Variants in CCDC126 observed in about 807,000 individuals in gnomAD.
CCDC126 encodes the protein coiled-coil domain-containing protein 126.
A neutral mutation model predicts 11.7 loss-of-function variants in CCDC126; 5 were observed. That is an observed-to-expected ratio of 0.43 (90% CI 0.22 to 0.90). CCDC126 has a LOEUF of 0.90. CCDC126 is among the 40% of genes least tolerant of loss of function. The pLI is 0.27. For missense variants in CCDC126, 150 were observed against 163.1 expected (o/e 0.92, Z 0.44); for synonymous variants, 60 against 61.9 (o/e 0.97, Z 0.14).
chr7:23,621,752 T>C (rs1349520864), intron 3 of CCDC126, among the ~76,000 whole-genome samples: 2 of 152,162 alleles, frequency 1.3e-5, no homozygotes, highest in Non-Finnish European at 2.9e-5. Context: ...GAGATAACGT[T>C]CCATCAGTAC....
intron 2 of CCDC126, among the ~76,000 whole-genome samples, chr7:23,610,932 G>A (rs1178298702): frequency 6.6e-6 from 1 of 151,978 alleles, no homozygotes; most frequent in Non-Finnish European, 1.5e-5. Context: ...AGAGTTTTAT[G>A]ACCATGGTTG....
rs2128024013 is a variant in CCDC126 at position 23,643,880 on chromosome 7, A to G, written c.*765A>G. The G allele has an allele frequency of 6.6e-6, 1 of 152,266 alleles. No homozygotes were observed. Among genetic ancestry groups the G allele is most frequent in the East Asian group, 1.9e-4 (1 of 5,190 alleles). 9.4% of individuals were successfully genotyped at this position (152,266 alleles called of 1,614,324 possible). A position where few individuals can be genotyped will look rare whatever the true frequency, so the allele number is the denominator to read the frequency against. ...ATATTTTTATGATGAGAGTAACAAT[A>G]AAGTATTCATGATTTTTCACATACA... On this transcript the variant is annotated 3_prime_UTR_variant, in exon 4 of 4. Transcript: ENST00000307471.
intron 3 of CCDC126, among the ~76,000 whole-genome samples, chr7:23,612,152 A>C (rs1782722606): frequency 6.6e-6 from 1 of 151,628 alleles, no homozygotes; most frequent in Non-Finnish European, 1.5e-5. Flanking sequence ...TCTCAAAAAA[A>C]AAAAAAAAAA....
chr7:23,610,018 T>C (rs1245686391), intron 2 of CCDC126, among the ~76,000 whole-genome samples: 1 of 152,236 alleles, frequency 6.6e-6, no homozygotes, highest in African/African-American at 2.4e-5. Context: ...TTTTTTTTAC[T>C]GGACACTGGT....
intron 2 of CCDC126, among the ~76,000 whole-genome samples, chr7:23,609,745 C>T (rs921287618): frequency 6.6e-6 from 1 of 152,070 alleles, no homozygotes; most frequent in Non-Finnish European, 1.5e-5. Context: ...GCCTGTGGTC[C>T]CAGCTACTCG....
chr7:23,642,969 A>G lies in CCDC126; in HGVS notation c.277A>G (p.Ile93Val). ...AACAATTGCTGTCCTTCTGGATGAC[A>G]TTTTGCAACGATTGGTGAAGCTGGA... ...KRTIAVLLDD[I>V]LQRLVKLENK... is the part of the protein sequence containing the mutation. The change falls in exon 4 of 4, where the codon ATT becomes GTT. Residue 93 changes from isoleucine to valine, a missense_variant. By Grantham distance (29) the Ile-to-Val change is conservative (BLOSUM62 3). Coordinates refer to ENST00000307471, the MANE Select transcript of CCDC126 (RefSeq NM_138771.4). The G allele has an allele frequency of 6.2e-7, 1 of 1,614,118 alleles. No homozygotes were observed. Among genetic ancestry groups the G allele is most frequent in the Non-Finnish European group, 8.5e-7 (1 of 1,180,000 alleles).
intron 3 of CCDC126, among the ~76,000 whole-genome samples, chr7:23,627,165 T>C (rs141305004): frequency 6.6e-6 from 1 of 152,308 alleles, no homozygotes; most frequent in Non-Finnish European, 1.5e-5. Flanking sequence ...CTGACCCTGC[T>C]TTCTTTTAAG....
chr7:23,611,542 T>A lies in CCDC126; in HGVS notation c.227T>A (p.Met76Lys). 6.3e-7 allele frequency: 1 copy of A among 1,596,440 alleles called. No homozygotes were observed. The highest frequency in any genetic ancestry group is 8.6e-7 in the Non-Finnish European group (1 of 1,163,926). The change falls in exon 3 of 4, where the codon ATG (methionine) becomes AAG (lysine). Residue 76 changes from methionine to lysine, a missense_variant. Physicochemically the swap from Met to Lys is moderately conservative, Grantham distance 95 (BLOSUM62 -1). Coordinates refer to ENST00000307471, the MANE Select transcript of CCDC126 (RefSeq NM_138771.4). ...GTGGATGTCGAGAACGGTGCTTCTA[T>A]GGCAGGATATGGTAAGATAACCGTA... ...NTVDVENGASMAGYADLKRTI... is the reference protein window; with the variant it reads ...NTVDVENGASKAGYADLKRTI...
intron 2 of CCDC126, among the ~76,000 whole-genome samples, chr7:23,603,258 AG>A (rs1164420676): frequency 6.6e-6 from 1 of 152,240 alleles, no homozygotes; most frequent in Non-Finnish European, 1.5e-5. Context: ...TCCTTCTTGT[AG>A]CAACTTTATA....
chr7:23,611,507 T>G lies in CCDC126; in HGVS notation c.192T>G (p.Asn64Lys). The change falls in exon 3 of 4, where the codon AAT becomes AAG. Residue 64 changes from asparagine to lysine, a missense_variant. Transcript: ENST00000307471. ...ATGTTAAAGCTCTAGCAGAGGAAAA[T>G]AAGAACACAGTGGATGTCGAGAACG... is the stretch of plus-strand genomic sequence containing the variant. ...KRYVKALAEE[N>K]KNTVDVENGA... 1 of 1,613,894 alleles carries G rather than the reference T, an allele frequency of 6.2e-7. No homozygotes were observed. The highest frequency in any genetic ancestry group is 8.5e-7 in the Non-Finnish European group (1 of 1,179,878).
chr7:23,626,626 A>G lies in CCDC126; in HGVS notation c.238+15073A>G, dbSNP rs551085363. ...ATCCAGGTACTGAGCTTGGTACCCAATAGTTATCTTTTCTGCTCCTCTCCC... is the reference window on the plus strand; with the variant it reads ...ATCCAGGTACTGAGCTTGGTACCCAGTAGTTATCTTTTCTGCTCCTCTCCC... On this transcript the variant is annotated intron_variant, in intron 3 of 3. Transcript: ENST00000307471. 6.9e-4 allele frequency among the ~76,000 whole-genome samples: 105 copies of G among 152,156 alleles called. No individual in the cohort carries two copies. The Middle Eastern group carries it at 0.01, about 15-fold the overall frequency.
In CCDC126 at chr7:23,618,851, G is replaced by C. The variant is rs1782840611; in HGVS notation, c.238+7298G>C. 2.0e-5 allele frequency among the ~76,000 whole-genome samples: 3 copies of C among 151,918 alleles called. No individual in the cohort carries two copies. In the South Asian group the frequency reaches 6.2e-4, roughly 32 times the overall value. ...ATTACAGGGGTGAGCCACCGCGCTT[G>C]GCCTAAATTTTTTATTACACAGTAT... On this transcript the variant is annotated intron_variant, in intron 3 of 3. Transcript: ENST00000307471.
intron 3 of CCDC126, among the ~76,000 whole-genome samples, chr7:23,627,919 A>G (rs1420297620): frequency 2.6e-5 from 4 of 152,178 alleles, no homozygotes; most frequent in Admixed American, 2.6e-4. Flanking sequence ...TAATATTTAA[A>G]TGTTCTTCAG....
At chr7:23,638,888 C>CT (rs1048613449) in intron 3 of CCDC126, among the ~76,000 whole-genome samples, 1 of 116,556 alleles carries the variant, frequency 8.6e-6, no homozygotes, top group Non-Finnish European at 1.7e-5. Context: ...AAAAAAAAGA[C>CT]TGTCCCCTGC....
chr7:23,627,569 G>GA (rs561420673), intron 3 of CCDC126, among the ~76,000 whole-genome samples: 6,473 of 132,214 alleles, frequency 0.049, 192 homozygotes, highest in African/African-American at 0.093. Context: ...CTCTGTCTCA[G>GA]AAAAAAAAAA....
At chr7:23,623,253 T>G (rs1782954979) in intron 3 of CCDC126, among the ~76,000 whole-genome samples, 1 of 151,950 alleles carries the variant, frequency 6.6e-6, no homozygotes, top group African/African-American at 2.4e-5. Flanking sequence ...TGAGCCACTG[T>G]GCCTGGCCTG....
At position 23,625,231 on chromosome 7, in the gene CCDC126, G is replaced by A. The variant is rs1314508278; in HGVS notation, c.238+13678G>A. 3.3e-5 allele frequency among the ~76,000 whole-genome samples: 5 copies of A among 152,216 alleles called. No homozygotes were observed. In the East Asian group the frequency reaches 5.8e-4, roughly 18 times the overall value. On this transcript the variant is annotated intron_variant, in intron 3 of 3. Coordinates refer to ENST00000307471, the MANE Select transcript of CCDC126 (RefSeq NM_138771.4). Reference sequence around the variant, plus strand: ...ACTTTTTTTGTGTGTTTTATTTAGTGCTGTGGTGTATTTGTGTGTATGAAA... The same window carrying A: ...ACTTTTTTTGTGTGTTTTATTTAGTACTGTGGTGTATTTGTGTGTATGAAA...
chr7:23,623,261 C>G (rs1370070427), intron 3 of CCDC126, among the ~76,000 whole-genome samples: 1 of 151,908 alleles, frequency 6.6e-6, no homozygotes, highest in Non-Finnish European at 1.5e-5. Flanking sequence ...TGTGCCTGGC[C>G]TGCTCACTTT....
At chr7:23,636,965 C>CA (rs1783238666) in intron 3 of CCDC126, among the ~76,000 whole-genome samples, 1 of 63,578 alleles carries the variant, frequency 1.6e-5, no homozygotes, top group African/African-American at 8.1e-5. Flanking sequence ...TCTGCCCGGC[C>CA]GCCCCTACTG....
Sources: gnomAD v4.1 joint callset for allele counts (sites outside exome capture counted in the v4.1 genomes callset) on GRCh38, gnomAD v4.1.1 for gene constraint, MANE v1.5 for transcripts, NCBI Gene and HGNC (gene_info 2026-07-23, HGNC 2026-07-21) for gene names.